The following ADHFE1 variants were observed in gnomAD, a reference collection of about 807,000 sequenced individuals.
ADHFE1 encodes alcohol dehydrogenase iron containing 1.
Under a neutral mutation model 54.8 loss-of-function variants are expected in ADHFE1, and 37 were observed. The observed-to-expected ratio is 0.68, with a 90% CI of 0.52 to 0.89. The LOEUF (loss-of-function observed/expected upper bound fraction) is 0.89. Ranked by LOEUF, ADHFE1 falls within the 40% of genes least tolerant of loss-of-function variation. The pLI is 0.00. For synonymous variants in ADHFE1, 203 were observed against 229.3 expected (o/e 0.89, Z 1.04); for missense variants, 601 against 591.2 (o/e 1.02, Z -0.17).
Position 66,468,497 on chromosome 8 carries a change from T to C in ADHFE1, c.*145T>C, listed in dbSNP as rs891061939. The C allele has an allele frequency of 1.8e-6, 1 of 567,056 alleles. No homozygotes were observed. Among genetic ancestry groups the C allele is most frequent in the South Asian group, 2.5e-5 (1 of 40,214 alleles). 35.1% of individuals were successfully genotyped at this position (567,056 alleles called of 1,614,324 possible). On this transcript the variant is annotated 3_prime_UTR_variant, in exon 14 of 14. Coordinates refer to ENST00000396623, the MANE Select transcript of ADHFE1 (RefSeq NM_144650.3). ...GGATATACATTTATCTTGCAGGAAA[T>C]TCCCCAAAGCTCAGAGTCCAGTTCC...
rs192257963 is a variant in ADHFE1, at chr8:66,465,982, C to T, written c.1321-2287C>T. ...TTTAATTTTGTTGTCTTTTCACTCT[C>T]TTGACCATGTCCTTTGATGCACAAA... On this transcript the variant is annotated intron_variant, in intron 13 of 13. Coordinates refer to ENST00000396623, the MANE Select transcript of ADHFE1 (RefSeq NM_144650.3). Among the ~76,000 whole-genome samples the T allele has an allele frequency of 3.4e-3, 522 of 151,352 alleles. 3 individuals carry two copies. The highest frequency in any genetic ancestry group is 0.012 in the African/African-American group (494 of 41,406).
At chr8:66,449,002 T>C in intron 8 of ADHFE1, 32 bp downstream of exon 8, 3 of 1,569,282 alleles carry the variant, frequency 1.9e-6, no homozygotes, top group Non-Finnish European at 2.6e-6. Context: ...AGGGGCTTTT[T>C]TAGTACTGGG....
In ADHFE1 at chr8:66,439,596, C is replaced by T. The variant is rs1805640218; in HGVS notation, c.60-566C>T. 6 of 985,742 alleles carry T rather than the reference C, an allele frequency of 6.1e-6. No individual in the cohort carries two copies. Among genetic ancestry groups the T allele is most frequent in the Admixed American group, 6.2e-5 (1 of 16,246 alleles). The allele number at this position is 985,742 out of a possible 1,614,324, so 61.1% of individuals were successfully genotyped here. A position where few individuals can be genotyped will look rare whatever the true frequency, so the allele number is the denominator to read the frequency against. Reference sequence around the variant, plus strand: ...GGCGCGGCGGGGACGGAGGAGAGCTCGGAGCCCGGGGCTGCAACTGGGCAG... The same window carrying T: ...GGCGCGGCGGGGACGGAGGAGAGCTTGGAGCCCGGGGCTGCAACTGGGCAG... On this transcript the variant is annotated intron_variant, in intron 1 of 13. Transcript: ENST00000396623. The surrounding 1 kb of genome is among the most constrained non-coding windows in gnomAD (Gnocchi z 4.4).
At chr8:66,453,637 A>G in intron 9 of ADHFE1, 13 of 1,285,460 alleles carry the variant, frequency 1.0e-5, no homozygotes, top group Non-Finnish European at 1.3e-5. Context: ...AGTGGGAGGC[A>G]GTGTCTCAGA....
chr8:66,466,824 G>T (rs2555574), intron 13 of ADHFE1, among the ~76,000 whole-genome samples: 85,903 of 152,014 alleles, frequency 0.57, 25,330 homozygotes, highest in African/African-American at 0.72. Flanking sequence ...TTTCTAGGCA[G>T]AGGGGAAGGG....
At chr8:66,450,576 G>A (rs1005197370) in intron 8 of ADHFE1, among the ~76,000 whole-genome samples, 3 of 152,212 alleles carry the variant, frequency 2.0e-5, no homozygotes, top group African/African-American at 4.8e-5. Flanking sequence ...AGGTGCCATC[G>A]GGAAGACTCT....
rs373118051 is a variant in ADHFE1 at position 66,454,088 on chromosome 8, C to T, written c.917C>T (p.Ala306Val). Residue 306 changes from alanine (A) to valine (V), a missense_variant, in exon 10 of 14, where the codon GCA becomes GTA. By Grantham distance (64) the Ala-to-Val change is moderately conservative. Transcript: ENST00000396623. ...GTCAGAAATCCCGATGATCTTGAAG[C>T]AAGGTCTCATATGCACTTGGCAAGT... ...RAVRNPDDLE[A>V]RSHMHLASAF... 2 of 1,614,080 alleles carry T rather than the reference C, an allele frequency of 1.2e-6. No homozygotes were observed.
At chr8:66,456,020 T>C (rs771266632) in intron 10 of ADHFE1, among the ~76,000 whole-genome samples, 6 of 152,036 alleles carry the variant, frequency 3.9e-5, no homozygotes, top group Admixed American at 2.0e-4. Context: ...ATATAAAAAA[T>C]TTTTCACTAA....
At chr8:66,448,836 A>C in intron 7 of ADHFE1, 29 bp from the exon 8 acceptor site, 2 of 1,582,446 alleles carry the variant, frequency 1.3e-6, no homozygotes, top group African/African-American at 2.7e-5. Context: ...CCATGGCTTT[A>C]GCCTCTACTG....
At position 66,460,412 on chromosome 8, in the gene ADHFE1, G is replaced by C. The variant is rs1806834056; in HGVS notation, c.1267G>C (p.Val423Leu). 2 of 1,613,348 alleles carry C rather than the reference G, an allele frequency of 1.2e-6. No individual in the cohort carries two copies. Among genetic ancestry groups the C allele is most frequent in the Admixed American group, 1.7e-5 (1 of 59,980 alleles). Residue 423 changes from valine (V) to leucine (L), a missense_variant, in exon 13 of 14, where the codon GTT becomes CTT. Coordinates refer to ENST00000396623, the MANE Select transcript of ADHFE1 (RefSeq NM_144650.3). ...DLDVDDGLAA[V>L]GYSKADIPAL... ...GGATGTTGATGATGGCCTAGCAGCTGTTGGTTACTCCAAAGCTGATATCCC... is the reference window on the plus strand; with the variant it reads ...GGATGTTGATGATGGCCTAGCAGCTCTTGGTTACTCCAAAGCTGATATCCC...
chr8:66,433,876 T>C (rs1805328373), intron 1 of ADHFE1, among the ~76,000 whole-genome samples: 1 of 152,166 alleles, frequency 6.6e-6, no homozygotes. Context: ...AATTTTTGGT[T>C]GTAAACCTGT....
At chr8:66,460,543 C>G in intron 13 of ADHFE1, 78 bp downstream of exon 13, 1 of 1,488,972 alleles carries the variant, frequency 6.7e-7, no homozygotes, top group South Asian at 1.4e-5. Context: ...TGATGGCGGG[C>G]TAGCAGGGAT....
intron 2 of ADHFE1, among the ~76,000 whole-genome samples, chr8:66,441,235 G>T (rs1356426596): frequency 1.3e-5 from 2 of 152,152 alleles, no homozygotes; most frequent in African/African-American, 4.8e-5. Context: ...AGAAATATTA[G>T]ATTTTTATAT....
chr8:66,451,836 GATA>G (rs1431018781), intron 8 of ADHFE1, 114 bp from the exon 9 acceptor site: 7 of 1,201,312 alleles, frequency 5.8e-6, no homozygotes, highest in Non-Finnish European at 8.1e-6. Context: ...ATCAGTGTTA[GATA>G]ATATATCCAC....
chr8:66,445,209 T>C lies in ADHFE1; in HGVS notation c.354-9T>C, dbSNP rs184112371. The C allele has an allele frequency of 1.9e-6, 3 of 1,584,600 alleles. No homozygotes were observed. Among genetic ancestry groups the C allele is most frequent in the East Asian group, 2.3e-5 (1 of 44,414 alleles). ...ATAACATACTGGTTTTTATTTTCTC[T>C]TCTCCAAGCTTCATGGAAGCTATTG... On this transcript the variant is annotated splice_polypyrimidine_tract_variant and intron_variant, in intron 5 of 13. Coordinates refer to ENST00000396623, the MANE Select transcript of ADHFE1 (RefSeq NM_144650.3).
In ADHFE1 at chr8:66,468,436, T is replaced by A; in HGVS notation, c.*84T>A. On this transcript the variant is annotated 3_prime_UTR_variant, in exon 14 of 14. Transcript: ENST00000396623. ...ATCTAGCTAGGGCTTTGTCTTTTCA[T>A]CTTTGCGCATAACTTACCTGTTACC... is the stretch of plus-strand genomic sequence containing the variant. 8.6e-7 allele frequency: 1 copy of A among 1,161,224 alleles called. No individual in the cohort carries two copies. Among genetic ancestry groups the A allele is most frequent in the Non-Finnish European group, 1.2e-6 (1 of 823,252 alleles). The allele number at this position is 1,161,224 out of a possible 1,614,324, so 71.9% of individuals were successfully genotyped here.
chr8:66,439,349 C>G lies in ADHFE1; in HGVS notation c.60-813C>G. On this transcript the variant is annotated intron_variant, in intron 1 of 13. Transcript: ENST00000396623. This position sits in a 1 kb window ranked among gnomAD's most constrained non-coding sequence, Gnocchi z 4.4. ...CGAAACATAAAACCGTCTTCCCAGC[C>G]TCGATCAGAGAGCGAGCAGGAGAAA... is the stretch of plus-strand genomic sequence containing the variant. 1 of 985,766 alleles carries G rather than the reference C, an allele frequency of 1.0e-6. No homozygotes were observed. Among genetic ancestry groups the G allele is most frequent in the Non-Finnish European group, 1.2e-6 (1 of 830,230 alleles). The allele number at this position is 985,766 out of a possible 1,614,324, so 61.1% of individuals were successfully genotyped here.
chr8:66,454,145 G>C lies in ADHFE1; in HGVS notation c.974G>C (p.Gly325Ala). 6.2e-7 allele frequency: 1 copy of C among 1,614,060 alleles called. No individual in the cohort carries two copies. The highest frequency in any genetic ancestry group is 8.5e-7 in the Non-Finnish European group (1 of 1,180,000). ...AFAGIGFGNA[G>A]VHLCHGMSYP... ...GCTGGCATCGGCTTTGGAAATGCTG[G>C]TGTTCATCTGTGGTGAGCAAGTCTG... is the stretch of plus-strand genomic sequence containing the variant. Residue 325 changes from glycine (G) to alanine (A), a missense_variant, in exon 10 of 14, where the codon GGT becomes GCT. By Grantham distance (60) the Gly-to-Ala change is moderately conservative. Transcript: ENST00000396623.
Position 66,457,137 on chromosome 8 carries a change from A to G in ADHFE1, c.1133A>G (p.Glu378Gly). 6.2e-7 allele frequency: 1 copy of G among 1,613,438 alleles called. No homozygotes were observed. Among genetic ancestry groups the G allele is most frequent in the East Asian group, 2.2e-5 (1 of 44,870 alleles). The part of the protein sequence containing the change: ...VFTFTAQMFP[E>G]RHLEMAEILG... ...ACTTTCACGGCCCAGATGTTTCCAG[A>G]GCGACACCTGGAGATGGCAGAAATA... The change falls in exon 12 of 14, where the codon GAG (glutamate) becomes GGG (glycine). Residue 378 changes from glutamate (E) to glycine (G), a missense_variant. Glu to Gly is a moderately conservative substitution (Grantham distance 98). Coordinates refer to ENST00000396623, the MANE Select transcript of ADHFE1 (RefSeq NM_144650.3).
Sources: gnomAD v4.1 joint callset for allele counts (sites outside exome capture counted in the v4.1 genomes callset) on GRCh38, gnomAD v4.1.1 for gene constraint, Gnocchi (gnomAD v3.1) non-coding constraint, MANE v1.5 for transcripts, NCBI Gene and HGNC (gene_info 2026-07-23, HGNC 2026-07-21) for gene names.